The following SLC4A7 variants were observed in gnomAD, a reference collection of about 807,000 sequenced individuals.
The protein encoded by SLC4A7 is solute carrier family 4 member 7, also known as sodium bicarbonate cotransporter 3.
Under a neutral mutation model 137.6 loss-of-function variants are expected in SLC4A7, and 51 were observed. The observed-to-expected ratio is 0.37, with a 90% CI of 0.30 to 0.47. The LOEUF is 0.47. Among genes scored for constraint, SLC4A7 ranks in the 20% least tolerant of loss-of-function variants. SLC4A7 has a pLI of 1.00. For missense variants in SLC4A7, 1,247 were observed against 1,525.4 expected (o/e 0.82, Z 3.04); for synonymous variants, 542 against 518.6 (o/e 1.05, Z -0.61).
At chr3:27,445,931 C>CAAAAAAA (rs1164631983) in intron 3 of SLC4A7, among the ~76,000 whole-genome samples, 1 of 58,522 alleles carries the variant, frequency 1.7e-5, no homozygotes, top group Non-Finnish European at 2.7e-5. Context: ...GGCTCAGTCT[C>CAAAAAAA]AAAAAAAAAA....
intron 3 of SLC4A7, among the ~76,000 whole-genome samples, chr3:27,443,888 A>T (rs994132162): frequency 6.6e-6 from 1 of 152,212 alleles, no homozygotes; most frequent in Admixed American, 6.6e-5. Flanking sequence ...TTCAATTTCC[A>T]AATACCTAGG....
intron 3 of SLC4A7, among the ~76,000 whole-genome samples, chr3:27,441,041 G>A (rs936962195): frequency 9.2e-5 from 14 of 151,378 alleles, no homozygotes; most frequent in African/African-American, 1.7e-4. Context: ...GTGAGACTCC[G>A]TCTCAAAAAA....
chr3:27,395,571 G>A (rs570635579), intron 18 of SLC4A7, among the ~76,000 whole-genome samples: 4 of 152,178 alleles, frequency 2.6e-5, no homozygotes, highest in South Asian at 2.1e-4. Context: ...AGTGGGTGTC[G>A]GGGGCGGTTC....
intron 1 of SLC4A7, among the ~76,000 whole-genome samples, chr3:27,480,519 A>G (rs953361326): frequency 3.3e-5 from 5 of 152,176 alleles, no homozygotes; most frequent in African/African-American, 1.2e-4. Context: ...CATAAGCCAC[A>G]GCACCTAGCC....
chr3:27,460,832 A>C (rs2058660279), intron 1 of SLC4A7, among the ~76,000 whole-genome samples: 1 of 152,204 alleles, frequency 6.6e-6, no homozygotes, highest in African/African-American at 2.4e-5. Context: ...CAGAAGCCTA[A>C]TACCCACCAG....
chr3:27,394,905 C>G, intron 19 of SLC4A7, 49 bp downstream of exon 19: 2 of 1,552,468 alleles, frequency 1.3e-6, no homozygotes, highest in Non-Finnish European at 1.7e-6. Context: ...ACAAAAACAG[C>G]TCAAACCCTT....
intron 3 of SLC4A7, among the ~76,000 whole-genome samples, chr3:27,445,441 G>A (rs551412583): frequency 2.6e-5 from 4 of 152,154 alleles, no homozygotes; most frequent in Admixed American, 6.5e-5. Context: ...TCTCTCACTT[G>A]CTTCTCCTCT....
Position 27,372,738 on chromosome 3 carries a change from T to C in SLC4A7, c.*4026A>G, listed in dbSNP as rs559765201. The C allele has an allele frequency of 3.9e-5, 6 of 152,738 alleles. No homozygotes were observed. The South Asian group carries it at 6.2e-4, about 16-fold the overall frequency. The allele number at this position is 152,738 out of a possible 1,614,324, so 9.5% of individuals were successfully genotyped here. A position where few individuals can be genotyped will look rare whatever the true frequency, so the allele number is the denominator to read the frequency against. On this transcript the variant is annotated 3_prime_UTR_variant, in exon 26 of 26. Coordinates refer to ENST00000454389, the MANE Select transcript of SLC4A7 (RefSeq NM_001321103.2). ...AGCCAACAACTAATTAAGTAGACTT[T>C]TATTGCTCAATCAACTTCAGTAACA...
At position 27,484,126 on chromosome 3, in the gene SLC4A7, T is replaced by TGGCC. The variant is rs1462540411; in HGVS notation, c.-4_-1dup. ...TGCTCGCCGGCCCCATCAGCCTCCA[T>TGGCC]GGCCGGCCGGCCAGCCCGTGACGGC... On this transcript the variant is annotated 5_prime_UTR_variant, in exon 1 of 26. Transcript: ENST00000454389. 7 of 1,380,336 alleles carry TGGCC rather than the reference T, an allele frequency of 5.1e-6. No homozygotes were observed. Among genetic ancestry groups the TGGCC allele is most frequent in the South Asian group, 4.8e-5 (3 of 62,202 alleles). 85.5% of individuals were successfully genotyped at this position (1,380,336 alleles called of 1,614,324 possible).
chr3:27,466,004 G>A lies in SLC4A7; in HGVS notation c.61-13506C>T, dbSNP rs146784342. 3.4e-3 allele frequency among the ~76,000 whole-genome samples: 509 copies of A among 150,408 alleles called. 1 individual carries two copies. The highest frequency in any genetic ancestry group is 0.012 in the African/African-American group (475 of 41,070). On this transcript the variant is annotated intron_variant, in intron 1 of 25. Coordinates refer to ENST00000454389, the MANE Select transcript of SLC4A7 (RefSeq NM_001321103.2). ...GAAAGAAAACTGTACAGGAATTAAA[G>A]TGATTAAGAAAGCATATGTAGTATC...
intron 1 of SLC4A7, among the ~76,000 whole-genome samples, chr3:27,469,896 T>G (rs2059164536): frequency 6.6e-6 from 1 of 152,166 alleles, no homozygotes; most frequent in Non-Finnish European, 1.5e-5. Flanking sequence ...AAATAAACAT[T>G]CAACTAACCT....
intron 21 of SLC4A7, among the ~76,000 whole-genome samples, chr3:27,391,280 G>T (rs962468958): frequency 1.3e-5 from 2 of 152,038 alleles, no homozygotes; most frequent in Admixed American, 6.5e-5. Context: ...TTTATATTAG[G>T]ATTTCTTCCT....
intron 13 of SLC4A7, among the ~76,000 whole-genome samples, chr3:27,407,424 G>A (rs910571740): frequency 6.6e-4 from 99 of 150,374 alleles, no homozygotes; most frequent in African/African-American, 2.4e-3. Flanking sequence ...AGGTTGCAGT[G>A]AGCTGAGATC....
intron 1 of SLC4A7, among the ~76,000 whole-genome samples, chr3:27,453,923 T>A (rs558586907): frequency 6.6e-6 from 1 of 152,300 alleles, no homozygotes; most frequent in Non-Finnish European, 1.5e-5. Flanking sequence ...CAATTTAATA[T>A]AGGTAACAGA....
At chr3:27,433,451 G>T (rs2056481971) in intron 6 of SLC4A7, among the ~76,000 whole-genome samples, 1 of 152,168 alleles carries the variant, frequency 6.6e-6, no homozygotes, top group African/African-American at 2.4e-5. Flanking sequence ...ACCTAAGAAT[G>T]AGAGTAGAAA....
At chr3:27,399,744 A>AAG (rs1437737522) in intron 16 of SLC4A7, among the ~76,000 whole-genome samples, 316 of 152,318 alleles carry the variant, frequency 2.1e-3, no homozygotes, top group Non-Finnish European at 3.4e-3. Flanking sequence ...GCTTTAAATC[A>AAG]GCACTGCCCA....
At chr3:27,382,191 C>T (rs2050491344) in intron 24 of SLC4A7, among the ~76,000 whole-genome samples, 1 of 152,094 alleles carries the variant, frequency 6.6e-6, no homozygotes, top group Admixed American at 6.5e-5. Flanking sequence ...ATGATCTTGG[C>T]TCACTGCAAT....
rs557266962 is a variant in SLC4A7 at position 27,422,156 on chromosome 3, C to T, written c.1267-377G>A. ...ATATTCATGGTTTTATATTACTTAA[C>T]CTTAGAAAACCTTTACATTTTATGT... On this transcript the variant is annotated intron_variant, in intron 8 of 25. Coordinates refer to ENST00000454389, the MANE Select transcript of SLC4A7 (RefSeq NM_001321103.2). Among the ~76,000 whole-genome samples, 3 of 152,272 alleles carry T rather than the reference C, an allele frequency of 2.0e-5. No homozygotes were observed. The South Asian group carries it at 6.2e-4, about 32-fold the overall frequency.
At chr3:27,452,384 C>G in intron 2 of SLC4A7, 33 bp downstream of exon 2, 1 of 1,366,370 alleles carries the variant, frequency 7.3e-7, no homozygotes. Context: ...AATTATCCTA[C>G]TAAGCGAAGT....
Sources: allele counts gnomAD v4.1 joint callset (sites outside exome capture counted in the v4.1 genomes callset), GRCh38; gene constraint gnomAD v4.1.1; transcripts MANE v1.5; gene names NCBI Gene and HGNC (gene_info 2026-07-23, HGNC 2026-07-21).